Variants in TBC1D19 observed in about 807,000 individuals in gnomAD.
TBC1D19 encodes the protein TBC1 domain family member 19, also known as TBC1 domain family, member 19.
TBC1D19 carries 60 observed loss-of-function variants against 89.0 expected under a neutral mutation model. The ratio of observed to expected loss-of-function variants is 0.67; its 90% CI spans 0.55 to 0.84. TBC1D19 has a LOEUF of 0.84. Among genes scored for constraint, TBC1D19 ranks in the 40% least tolerant of loss-of-function variants. The probability of loss-of-function intolerance (pLI) is 0.00; values close to 1 mark genes in which losing one functional copy is unlikely to be tolerated. For synonymous variants in TBC1D19, 189 were observed against 199.7 expected (o/e 0.95, Z 0.45); for missense variants, 500 against 610.8 (o/e 0.82, Z 1.91).
At chr4:26,696,352 A>G (rs1020412116) in intron 13 of TBC1D19, among the ~76,000 whole-genome samples, 1 of 151,878 alleles carries the variant, frequency 6.6e-6, no homozygotes, top group Non-Finnish European at 1.5e-5. Flanking sequence ...ACCCAGATTC[A>G]TAAAGCAAGT....
chr4:26,853,942 TC>T, the TBC1D19 span, among the ~76,000 whole-genome samples: 1 of 152,264 alleles, frequency 6.6e-6, no homozygotes, highest in East Asian at 1.9e-4. Context: ...CTTTCTGTTT[TC>T]CTTCGTTTCC....
chr4:26,586,439 C>T (rs1449464638), intron 1 of TBC1D19, among the ~76,000 whole-genome samples: 1 of 151,992 alleles, frequency 6.6e-6, no homozygotes, highest in Non-Finnish European at 1.5e-5. Context: ...ATTATTTTGG[C>T]TATTCTAGGT....
At chr4:26,780,578 C>T in the TBC1D19 span, among the ~76,000 whole-genome samples, 1 of 152,168 alleles carries the variant, frequency 6.6e-6, no homozygotes, top group Non-Finnish European at 1.5e-5. Flanking sequence ...CAACAAACTG[C>T]CCAAGACCAG....
At chr4:26,757,996 C>T (rs76838471), downstream of TBC1D19, among the ~76,000 whole-genome samples, 4,927 of 152,266 alleles carry the variant, frequency 0.032, 262 homozygotes, top group African/African-American at 0.11. Context: ...ACTTCAGCCT[C>T]TCCAGATTCC....
chr4:26,739,958 C>T lies in TBC1D19; in HGVS notation c.1212C>T (p.Ile404=), dbSNP rs1056794504. The T allele has an allele frequency of 6.3e-7, 1 of 1,582,666 alleles. No individual in the cohort carries two copies. Among genetic ancestry groups the T allele is most frequent in the Non-Finnish European group, 8.6e-7 (1 of 1,163,554 alleles). ...YVRFFFRLHS[I]SSHPSGIVSL... is the part of the protein sequence containing the mutation. ...GTTTTTTCTTCAGACTCCATTCCAT[C>T]TCTTCTCATCCTTCTGTAAGTTCAT... The change falls in exon 17 of 21, where the codon ATC becomes ATT. Residue 404 remains isoleucine, a synonymous_variant. Transcript: ENST00000264866.
chr4:26,717,995 G>A lies in TBC1D19; in HGVS notation c.1017G>A (p.Ser339=), dbSNP rs142858096. Residue 339 remains serine, a synonymous_variant, in exon 14 of 21, where the codon TCG becomes TCA. Transcript: ENST00000264866. ...GTCACTTTGCATTCAACAGTGCCTC[G>A]CCACCAAAATCATACATAAGAGGTA... ...VLSHFAFNSA[S]PPKSYIRGKL... 269 of 1,610,580 alleles carry A rather than the reference G, an allele frequency of 1.7e-4. 1 individual carries two copies. Among genetic ancestry groups the A allele is most frequent in the Middle Eastern group, 1.7e-4 (1 of 5,758 alleles).
chr4:26,804,174 C>T, the TBC1D19 span, among the ~76,000 whole-genome samples: 1 of 151,690 alleles, frequency 6.6e-6, no homozygotes, highest in African/African-American at 2.4e-5. Context: ...GAGATGGAGT[C>T]TCGCTCTGTC....
the TBC1D19 span, among the ~76,000 whole-genome samples, chr4:26,799,343 GAAAA>G: frequency 6.6e-6 from 1 of 151,756 alleles, no homozygotes; most frequent in Non-Finnish European, 1.5e-5. Context: ...TCTCAAAGAG[GAAAA>G]AAACAAACAA....
chr4:26,807,587 AC>A, the TBC1D19 span, among the ~76,000 whole-genome samples: 3 of 152,030 alleles, frequency 2.0e-5, no homozygotes, highest in Admixed American at 6.6e-5. Flanking sequence ...TCCTACTAGA[AC>A]CGCCCACCCC....
the TBC1D19 span, among the ~76,000 whole-genome samples, chr4:26,764,297 T>C: frequency 1.3e-5 from 2 of 152,156 alleles, no homozygotes; most frequent in African/African-American, 2.4e-5. Flanking sequence ...CTCATCTTTT[T>C]CACAGAATCT....
intron 1 of TBC1D19, among the ~76,000 whole-genome samples, chr4:26,603,129 C>T: frequency 1.3e-5 from 2 of 151,958 alleles, no homozygotes; most frequent in East Asian, 3.9e-4. Context: ...TTTATGTTGC[C>T]AACGATAAAA....
At chr4:26,857,841 T>G in the TBC1D19 span, 1 of 152,344 alleles carries the variant, frequency 6.6e-6, no homozygotes, top group Non-Finnish European at 1.5e-5. Flanking sequence ...GGCTTGCCTC[T>G]GGGATGGGGA....
At position 26,666,368 on chromosome 4, in the gene TBC1D19, A is replaced by G; in HGVS notation, c.627A>G (p.Gly209=). 1.2e-6 allele frequency: 2 copies of G among 1,611,152 alleles called. No homozygotes were observed. Among genetic ancestry groups the G allele is most frequent in the Non-Finnish European group, 1.7e-6 (2 of 1,178,332 alleles). The change falls in exon 9 of 21, where the codon GGA becomes GGG. Residue 209 remains glycine (G), a synonymous_variant. Transcript: ENST00000264866. Reference sequence around the variant, plus strand: ...TTGTGGAACTTGGCTTAAATATAGGACAACTGGGTATAGATGATTCTACAC... The same window carrying G: ...TTGTGGAACTTGGCTTAAATATAGGGCAACTGGGTATAGATGATTCTACAC... ...ECFVELGLNI[G]QLGIDDSTQV...
At chr4:26,838,177 C>T in the TBC1D19 span, among the ~76,000 whole-genome samples, 1 of 152,150 alleles carries the variant, frequency 6.6e-6, no homozygotes, top group Non-Finnish European at 1.5e-5. Flanking sequence ...TACCCTCAGC[C>T]TACTCACCCA....
intron 1 of TBC1D19, among the ~76,000 whole-genome samples, chr4:26,585,761 T>C (rs953785636): frequency 6.6e-6 from 1 of 152,082 alleles, no homozygotes; most frequent in African/African-American, 2.4e-5. Flanking sequence ...TTTTTTATGT[T>C]TCCAGTAGAG....
the TBC1D19 span, among the ~76,000 whole-genome samples, chr4:26,813,756 G>A: frequency 4.6e-5 from 7 of 152,152 alleles, no homozygotes; most frequent in East Asian, 1.9e-4. Flanking sequence ...CTCCTTCCCC[G>A]CGCCTCTCCT....
chr4:26,784,934 T>C, the TBC1D19 span, among the ~76,000 whole-genome samples: 1 of 152,334 alleles, frequency 6.6e-6, no homozygotes, highest in East Asian at 1.9e-4. Context: ...AAAATAATGG[T>C]AACAATAACC....
At chr4:26,839,691 A>T in the TBC1D19 span, among the ~76,000 whole-genome samples, 1 of 152,088 alleles carries the variant, frequency 6.6e-6, no homozygotes, top group Non-Finnish European at 1.5e-5. Flanking sequence ...TTCCATCCCA[A>T]AACTCCATTC....
the TBC1D19 span, among the ~76,000 whole-genome samples, chr4:26,762,711 G>C: frequency 6.6e-6 from 1 of 152,152 alleles, no homozygotes; most frequent in Admixed American, 6.6e-5. Context: ...TGGATTATCA[G>C]GTGGGCCCAA....
Sources: gnomAD v4.1 joint callset for allele counts (sites outside exome capture counted in the v4.1 genomes callset) on GRCh38, gnomAD v4.1.1 for gene constraint, MANE v1.5 for transcripts, NCBI Gene and HGNC (gene_info 2026-07-23, HGNC 2026-07-21) for gene names.